Variants in KIRREL3 observed in about 807,000 individuals in gnomAD.
The protein encoded by KIRREL3 is kirre like nephrin family adhesion molecule 3, also known as kin of IRRE-like protein 3.
KIRREL3 carries 36 observed loss-of-function variants against 89.7 expected under a neutral mutation model. That is an observed-to-expected ratio of 0.40 (90% CI 0.31 to 0.53). KIRREL3 has a LOEUF of 0.53. Among genes scored for constraint, KIRREL3 ranks in the 20% least tolerant of loss-of-function variants. KIRREL3 has a pLI of 0.49. For synonymous variants in KIRREL3, 445 were observed against 441.4 expected (o/e 1.01, Z -0.10); for missense variants, 864 against 1,056.6 (o/e 0.82, Z 2.53).
intron 8 of KIRREL3, 53 bp downstream of exon 8, chr11:126,448,956 C>A: frequency 1.3e-6 from 2 of 1,537,448 alleles, no homozygotes; most frequent in Non-Finnish European, 8.8e-7. Context: ...CAGCTCTAAG[C>A]AGAAACCAGT....
rs1363728364 is a variant in KIRREL3 at position 126,965,187 on chromosome 11, G to A, written c.55+35268C>T. Among the ~76,000 whole-genome samples the A allele has an allele frequency of 6.6e-6, 1 of 152,176 alleles. No homozygotes were observed. The highest frequency in any genetic ancestry group is 1.5e-5 in the Non-Finnish European group (1 of 68,024). On this transcript the variant is annotated intron_variant, in intron 1 of 16. Transcript: ENST00000525144. This position sits in a 1 kb window ranked among gnomAD's most constrained non-coding sequence, Gnocchi z 4.4. Reference sequence around the variant, plus strand: ...GATGAGCAAAGGTCTACAGAACAGTGTCTTAATTAACATTCCTGGTCAAAT... The same window carrying A: ...GATGAGCAAAGGTCTACAGAACAGTATCTTAATTAACATTCCTGGTCAAAT...
In KIRREL3 at chr11:126,997,548, A is replaced by C. The variant is rs1565488698; in HGVS notation, c.55+2907T>G. 6.6e-6 allele frequency among the ~76,000 whole-genome samples: 1 copy of C among 152,142 alleles called. No individual in the cohort carries two copies. Among genetic ancestry groups the C allele is most frequent in the Non-Finnish European group, 1.5e-5 (1 of 68,034 alleles). ...CTACATGAAAAGCCCAAACTTTCAA[A>C]GAATAGGGACCCACCATATTACTGA... On this transcript the variant is annotated intron_variant, in intron 1 of 16. Transcript: ENST00000525144. This position sits in a 1 kb window ranked among gnomAD's most constrained non-coding sequence, Gnocchi z 4.3.
At chr11:126,478,678 TGTATGTGCA>T (rs1423488787) in intron 4 of KIRREL3, among the ~76,000 whole-genome samples, 1 of 152,164 alleles carries the variant, frequency 6.6e-6, no homozygotes, top group African/African-American at 2.4e-5. Context: ...TGTATGTGTA[TGTATGTGCA>T]TGTAGATGTA....
chr11:126,983,498 C>T lies in KIRREL3; in HGVS notation c.55+16957G>A, dbSNP rs1173644860. Reference sequence around the variant, plus strand: ...GAGAGAGAGAGATTTTCCTAAATTACCCTCTGTGGTCTGATATAATCACTT... The same window carrying T: ...GAGAGAGAGAGATTTTCCTAAATTATCCTCTGTGGTCTGATATAATCACTT... On this transcript the variant is annotated intron_variant, in intron 1 of 16. Transcript: ENST00000525144. The surrounding 1 kb of genome is among the most constrained non-coding windows in gnomAD (Gnocchi z 4.9). Among the ~76,000 whole-genome samples the T allele has an allele frequency of 6.6e-6, 1 of 152,086 alleles. No individual in the cohort carries two copies. The highest frequency in any genetic ancestry group is 1.5e-5 in the Non-Finnish European group (1 of 68,008).
chr11:126,507,972 C>A (rs1958081143), intron 4 of KIRREL3, among the ~76,000 whole-genome samples: 2 of 152,130 alleles, frequency 1.3e-5, no homozygotes, highest in Non-Finnish European at 2.9e-5. Flanking sequence ...TCTCCAGCAG[C>A]CTAGTGACTT....
chr11:126,793,094 C>A (rs1439995189), intron 1 of KIRREL3, among the ~76,000 whole-genome samples: 1 of 151,862 alleles, frequency 6.6e-6, no homozygotes, highest in Non-Finnish European at 1.5e-5. Context: ...TAACTTTTAC[C>A]TTTTTAGCTC....
intron 4 of KIRREL3, among the ~76,000 whole-genome samples, chr11:126,506,815 G>A (rs1958034332): frequency 6.6e-6 from 1 of 150,526 alleles, no homozygotes; most frequent in South Asian, 2.1e-4. Context: ...AGTAGAGATT[G>A]GATTTTGCCA....
chr11:126,516,367 C>A lies in KIRREL3; in HGVS notation c.433+4948G>T, dbSNP rs1958409704. Reference sequence around the variant, plus strand: ...AATTAATCTGATGCCAACATCCCCTCCTCCCACTTCTGATCCCCCCATCCT... The same window carrying A: ...AATTAATCTGATGCCAACATCCCCTACTCCCACTTCTGATCCCCCCATCCT... On this transcript the variant is annotated intron_variant, in intron 4 of 16. Coordinates refer to ENST00000525144, the MANE Select transcript of KIRREL3 (RefSeq NM_032531.4). This position sits in a 1 kb window ranked among gnomAD's most constrained non-coding sequence, Gnocchi z 4.9. Among the ~76,000 whole-genome samples the A allele has an allele frequency of 6.6e-6, 1 of 152,106 alleles. No individual in the cohort carries two copies. Among genetic ancestry groups the A allele is most frequent in the Non-Finnish European group, 1.5e-5 (1 of 68,024 alleles).
At position 126,443,004 on chromosome 11, in the gene KIRREL3, G is replaced by A. The variant is rs1273574995; in HGVS notation, c.1252+1975C>T. On this transcript the variant is annotated intron_variant, in intron 10 of 16. Transcript: ENST00000525144. This position sits in a 1 kb window ranked among gnomAD's most constrained non-coding sequence, Gnocchi z 7.3. The stretch of plus-strand genomic sequence containing the variant: ...GGGTTTCAGTGCCCTCCCCGTCCAA[G>A]AGAAATGTCCCTCCCGGCCTGTGTT... Among the ~76,000 whole-genome samples, 1 of 152,200 alleles carries A rather than the reference G, an allele frequency of 6.6e-6. No individual in the cohort carries two copies. Among genetic ancestry groups the A allele is most frequent in the African/African-American group, 2.4e-5 (1 of 41,452 alleles).
intron 1 of KIRREL3, among the ~76,000 whole-genome samples, chr11:126,712,575 G>C (rs1947805203): frequency 6.6e-6 from 1 of 152,214 alleles, no homozygotes; most frequent in Admixed American, 6.5e-5. Context: ...CATTCTCCGG[G>C]TGCGGGAAAC....
Position 126,501,164 on chromosome 11 carries a change from C to A in KIRREL3, c.433+20151G>T, listed in dbSNP as rs1957849067. Among the ~76,000 whole-genome samples the A allele has an allele frequency of 6.6e-6, 1 of 152,194 alleles. No homozygotes were observed. Among genetic ancestry groups the A allele is most frequent in the Non-Finnish European group, 1.5e-5 (1 of 68,042 alleles). ...CACTACTGGTGGACAGCTGGTCCGT[C>A]CCACACTTTTCTCTGCACGTCTGAG... On this transcript the variant is annotated intron_variant, in intron 4 of 16. Transcript: ENST00000525144. This position sits in a 1 kb window ranked among gnomAD's most constrained non-coding sequence, Gnocchi z 5.8.
rs941160937 is a variant in KIRREL3, at chr11:126,946,277, C to T, written c.55+54178G>A. ...CATGCCCCAGACTGCGGCCTCCAGA[C>T]TCTGCTACTAGCCAGCCACTCTTGT... is the stretch of plus-strand genomic sequence containing the variant. On this transcript the variant is annotated intron_variant, in intron 1 of 16. Coordinates refer to ENST00000525144, the MANE Select transcript of KIRREL3 (RefSeq NM_032531.4). This position sits in a 1 kb window ranked among gnomAD's most constrained non-coding sequence, Gnocchi z 4.1. Among the ~76,000 whole-genome samples the T allele has an allele frequency of 1.1e-4, 16 of 152,316 alleles. No homozygotes were observed. Among genetic ancestry groups the T allele is most frequent in the Admixed American group, 5.2e-4 (8 of 15,304 alleles).
chr11:126,532,418 C>A (rs574323172), intron 2 of KIRREL3, among the ~76,000 whole-genome samples: 50 of 152,068 alleles, frequency 3.3e-4, no homozygotes, highest in African/African-American at 1.2e-3. Flanking sequence ...TCTTGTCGCC[C>A]AGGATGGAGT....
intron 1 of KIRREL3, among the ~76,000 whole-genome samples, chr11:126,590,789 C>T (rs963006982): frequency 1.3e-5 from 2 of 152,126 alleles, no homozygotes; most frequent in Non-Finnish European, 2.9e-5. Flanking sequence ...ACCTTGGTAG[C>T]GGGAGCCGCC....
At position 126,520,062 on chromosome 11, in the gene KIRREL3, C is replaced by T. The variant is rs1408557565; in HGVS notation, c.433+1253G>A. ...CTCCCCCGCATCTCAAGAAGTCAAG[C>T]TCCGAGCTTGGTAAGTGGTCCTCCG... On this transcript the variant is annotated intron_variant, in intron 4 of 16. Transcript: ENST00000525144. The surrounding 1 kb of genome is among the most constrained non-coding windows in gnomAD (Gnocchi z 4.9). 6.6e-6 allele frequency among the ~76,000 whole-genome samples: 1 copy of T among 152,208 alleles called. No homozygotes were observed. Among genetic ancestry groups the T allele is most frequent in the Non-Finnish European group, 1.5e-5 (1 of 68,044 alleles).
Position 126,555,022 on chromosome 11 carries a change from G to A in KIRREL3, c.133+7813C>T, listed in dbSNP as rs367819690. Among the ~76,000 whole-genome samples, 8 of 152,174 alleles carry A rather than the reference G, an allele frequency of 5.3e-5. No homozygotes were observed. The highest frequency in any genetic ancestry group is 9.6e-5 in the African/African-American group (4 of 41,514). ...CATCCCCTTTCCAACTCCTCATTCC[G>A]CCAAGAGCCCCTTCCATCTCCCAAT... On this transcript the variant is annotated intron_variant, in intron 2 of 16. Transcript: ENST00000525144. The surrounding 1 kb of genome is among the most constrained non-coding windows in gnomAD (Gnocchi z 4.2).
chr11:126,598,754 C>T (rs972414548), intron 1 of KIRREL3, among the ~76,000 whole-genome samples: 1 of 152,212 alleles, frequency 6.6e-6, no homozygotes, highest in Non-Finnish European at 1.5e-5. Flanking sequence ...CTGTCATTCA[C>T]TCCTGAGGGA....
chr11:126,804,043 T>G (rs894645572), intron 1 of KIRREL3, among the ~76,000 whole-genome samples: 1 of 152,206 alleles, frequency 6.6e-6, no homozygotes, highest in African/African-American at 2.4e-5. Flanking sequence ...CATCTATGTT[T>G]GTAAGTATGT....
intron 1 of KIRREL3, among the ~76,000 whole-genome samples, chr11:126,938,385 G>T (rs149639417): frequency 6.6e-6 from 1 of 152,162 alleles, no homozygotes; most frequent in Admixed American, 6.5e-5. Context: ...TTACAACTCT[G>T]CAGGCTGAGT....
Sources: gnomAD v4.1 joint callset for allele counts (sites outside exome capture counted in the v4.1 genomes callset) on GRCh38, gnomAD v4.1.1 for gene constraint, Gnocchi (gnomAD v3.1) non-coding constraint, MANE v1.5 for transcripts, NCBI Gene and HGNC (gene_info 2026-07-23, HGNC 2026-07-21) for gene names.